LRRC4C: variants seen among roughly 807,000 people sequenced by gnomAD.
The protein encoded by LRRC4C is leucine rich repeat containing 4C.
LRRC4C carries 5 observed loss-of-function variants against 33.6 expected under a neutral mutation model. The ratio of observed to expected loss-of-function variants is 0.15; its 90% CI spans 0.08 to 0.31. The LOEUF (loss-of-function observed/expected upper bound fraction) is 0.31, where lower values mean the gene tolerates loss of function less well. Among genes scored for constraint, LRRC4C ranks in the 10% least tolerant of loss-of-function variants. The probability of loss-of-function intolerance (pLI) is 1.00; values close to 1 mark genes in which losing one functional copy is unlikely to be tolerated. For missense variants in LRRC4C, 560 were observed against 796.7 expected (o/e 0.70, Z 3.58); for synonymous variants, 329 against 302.0 (o/e 1.09, Z -0.93).
intron 3 of LRRC4C, among the ~76,000 whole-genome samples, chr11:40,647,143 G>C (rs1019339265): frequency 6.6e-6 from 1 of 152,198 alleles, no homozygotes; most frequent in African/African-American, 2.4e-5. Context: ...AGTTATGAAT[G>C]CAGGACAGAC....
chr11:41,256,424 A>T (rs982479987), intron 1 of LRRC4C, among the ~76,000 whole-genome samples: 1 of 151,996 alleles, frequency 6.6e-6, no homozygotes, highest in African/African-American at 2.4e-5. Flanking sequence ...TGATAATTGC[A>T]TTGTTTCGTC....
At chr11:41,159,553 A>G (rs1944377520) in intron 1 of LRRC4C, among the ~76,000 whole-genome samples, 1 of 152,172 alleles carries the variant, frequency 6.6e-6, no homozygotes, top group Non-Finnish European at 1.5e-5. Context: ...ATAAACAATA[A>G]TAATAACAAC....
chr11:40,487,141 T>A (rs1023104114), intron 3 of LRRC4C, among the ~76,000 whole-genome samples: 1 of 152,062 alleles, frequency 6.6e-6, no homozygotes, highest in Non-Finnish European at 1.5e-5. Context: ...TGAACTGACA[T>A]GCGAAGTTGG....
chr11:40,700,425 C>G (rs899923529), intron 2 of LRRC4C, among the ~76,000 whole-genome samples: 2 of 152,216 alleles, frequency 1.3e-5, no homozygotes, highest in African/African-American at 2.4e-5. Flanking sequence ...AGAAATATCA[C>G]AATCACAATG....
intron 1 of LRRC4C, among the ~76,000 whole-genome samples, chr11:41,293,407 C>T (rs935321987): frequency 6.6e-6 from 1 of 151,604 alleles, no homozygotes; most frequent in Non-Finnish European, 1.5e-5. Context: ...TTTAGAAAAA[C>T]GTATATAGAA....
intron 1 of LRRC4C, among the ~76,000 whole-genome samples, chr11:41,123,273 T>TG (rs1565404157): frequency 1.1e-5 from 1 of 89,872 alleles, no homozygotes; most frequent in African/African-American, 3.8e-5. Flanking sequence ...TTTTTTTTTT[T>TG]TTTTTTTTTT....
At chr11:40,518,929 G>A (rs1472670056) in intron 3 of LRRC4C, among the ~76,000 whole-genome samples, 1 of 152,074 alleles carries the variant, frequency 6.6e-6, no homozygotes, top group African/African-American at 2.4e-5. Flanking sequence ...AAAGGATGAG[G>A]TAATGTCCTT....
chr11:41,312,324 A>C (rs1380703383), intron 1 of LRRC4C, among the ~76,000 whole-genome samples: 1 of 152,200 alleles, frequency 6.6e-6, no homozygotes, highest in African/African-American at 2.4e-5. Context: ...TGAGACTTTC[A>C]AAAATATATT....
Position 40,886,550 on chromosome 11 carries a change from CT to C in LRRC4C, c.-407+47084del, listed in dbSNP as rs539867380. ...GAGTAGAAACAAAAGGGAGTTCTCTCTTTTTTTTTTAATTAAGGAGTTTATC... is the reference window on the plus strand; with the variant it reads ...GAGTAGAAACAAAAGGGAGTTCTCTCTTTTTTTTTAATTAAGGAGTTTATC... On this transcript the variant is annotated intron_variant, in intron 2 of 6. Coordinates refer to ENST00000528697, the MANE Select transcript of LRRC4C (RefSeq NM_001258419.2). Among the ~76,000 whole-genome samples the C allele has an allele frequency of 1.5e-3, 223 of 147,478 alleles. 1 individual carries two copies. The highest frequency in any genetic ancestry group is 9.0e-3 in the South Asian group (42 of 4,648).
chr11:41,161,361 T>A (rs1160741251), intron 1 of LRRC4C, among the ~76,000 whole-genome samples: 1 of 152,178 alleles, frequency 6.6e-6, no homozygotes, highest in Non-Finnish European at 1.5e-5. Flanking sequence ...TAATGCTACA[T>A]CCTGTAGAGA....
At chr11:41,033,734 C>T (rs1856862107) in intron 1 of LRRC4C, among the ~76,000 whole-genome samples, 1 of 152,010 alleles carries the variant, frequency 6.6e-6, no homozygotes, top group African/African-American at 2.4e-5. Flanking sequence ...TTATCAATCA[C>T]ATTAAAATGT....
chr11:40,512,736 G>A (rs534755400), intron 3 of LRRC4C, among the ~76,000 whole-genome samples: 11 of 152,262 alleles, frequency 7.2e-5, no homozygotes, highest in South Asian at 2.1e-4. Flanking sequence ...AAAATGCCAC[G>A]TCTGCGAAAT....
At chr11:40,518,519 CATTAGAG>C (rs1226921872) in intron 3 of LRRC4C, among the ~76,000 whole-genome samples, 4 of 152,108 alleles carry the variant, frequency 2.6e-5, no homozygotes, top group African/African-American at 9.7e-5. Context: ...CATCAGTAGT[CATTAGAG>C]AAATGCAAAT....
chr11:40,553,655 T>A (rs997004309), intron 3 of LRRC4C, among the ~76,000 whole-genome samples: 1 of 152,200 alleles, frequency 6.6e-6, no homozygotes, highest in East Asian at 1.9e-4. Flanking sequence ...GAGCTTTAGA[T>A]TTGCATTTAT....
intron 1 of LRRC4C, among the ~76,000 whole-genome samples, chr11:40,984,265 A>G (rs1852762559): frequency 2.7e-5 from 4 of 150,652 alleles, no homozygotes; most frequent in Admixed American, 2.6e-4. Context: ...GACAAGAAGG[A>G]AAGAAAGAAG....
At chr11:40,548,293 T>A (rs909216317) in intron 3 of LRRC4C, among the ~76,000 whole-genome samples, 8 of 152,118 alleles carry the variant, frequency 5.3e-5, no homozygotes, top group Admixed American at 5.2e-4. Flanking sequence ...AGAGTAACTT[T>A]ACTGAGAAAA....
At chr11:40,483,445 G>A (rs566587739) in intron 3 of LRRC4C, among the ~76,000 whole-genome samples, 2 of 152,272 alleles carry the variant, frequency 1.3e-5, no homozygotes, top group South Asian at 2.1e-4. Context: ...ACAAGATAAT[G>A]TGAGCCGTGG....
intron 1 of LRRC4C, among the ~76,000 whole-genome samples, chr11:41,052,996 C>A (rs16935312): frequency 0.13 from 19,085 of 152,096 alleles, 1,280 homozygotes; most frequent in Non-Finnish European, 0.14. Flanking sequence ...TGAAAAGTCA[C>A]CTTTCTGAAA....
intron 2 of LRRC4C, among the ~76,000 whole-genome samples, chr11:40,755,041 T>C (rs772448839): frequency 1.3e-5 from 2 of 152,110 alleles, no homozygotes; most frequent in Admixed American, 1.3e-4. Flanking sequence ...TCATAGATCT[T>C]AAATTGAGAA....
Sources: allele counts gnomAD v4.1 joint callset (sites outside exome capture counted in the v4.1 genomes callset), GRCh38; gene constraint gnomAD v4.1.1; transcripts MANE v1.5; gene names NCBI Gene and HGNC (gene_info 2026-07-23, HGNC 2026-07-21).